Variants in EPHB1 observed in about 807,000 individuals in gnomAD.
EPHB1 encodes the protein ephrin type-B receptor 1.
EPHB1 carries 30 observed loss-of-function variants against 94.4 expected under a neutral mutation model. The ratio of observed to expected loss-of-function variants is 0.32; its 90% CI spans 0.24 to 0.43. The LOEUF (loss-of-function observed/expected upper bound fraction) is 0.43, where lower values mean the gene tolerates loss of function less well. EPHB1 is among the 20% of genes least tolerant of loss of function. The pLI is 1.00. For synonymous variants in EPHB1, 522 were observed against 489.1 expected (o/e 1.07, Z -0.89); for missense variants, 1,055 against 1,308.3 (o/e 0.81, Z 2.99).
chr3:134,854,907 A>G (rs938178471), intron 1 of EPHB1, among the ~76,000 whole-genome samples: 4 of 104,424 alleles, frequency 3.8e-5, no homozygotes, highest in African/African-American at 1.0e-4. Flanking sequence ...AATATAGAAA[A>G]GTATAAAGAA....
intron 2 of EPHB1, among the ~76,000 whole-genome samples, chr3:134,944,625 T>A (rs1318306651): frequency 6.6e-6 from 1 of 152,194 alleles, no homozygotes; most frequent in Non-Finnish European, 1.5e-5. Context: ...CTTCCAGAGG[T>A]CTTACTCAGC....
In EPHB1 at chr3:135,132,909, T is replaced by A. The variant is rs1415897758; in HGVS notation, c.1157T>A (p.Leu386Gln). Residue 386 changes from leucine to glutamine, a missense_variant, in exon 5 of 16, where the codon CTG becomes CAG. Physicochemically the swap from Leu to Gln is moderately radical, Grantham distance 113. Transcript: ENST00000398015. ...NVEFVPRQLG[L>Q]TECRVSISSL... Reference sequence around the variant, plus strand: ...GAGTTTGTGCCCAGGCAGCTGGGCCTGACGGAGTGCCGCGTCTCCATCAGC... The same window carrying A: ...GAGTTTGTGCCCAGGCAGCTGGGCCAGACGGAGTGCCGCGTCTCCATCAGC... 5 of 1,614,058 alleles carry A rather than the reference T, an allele frequency of 3.1e-6. No individual in the cohort carries two copies. The highest frequency in any genetic ancestry group is 3.4e-6 in the Non-Finnish European group (4 of 1,179,896).
chr3:135,183,016 T>C (rs1384419746), intron 10 of EPHB1, among the ~76,000 whole-genome samples: 2 of 74,520 alleles, frequency 2.7e-5, no homozygotes, highest in Non-Finnish European at 6.9e-5. Flanking sequence ...TTTTCTTTTC[T>C]TTTCTTTTCT....
At chr3:135,128,989 G>A (rs1559843113) in intron 4 of EPHB1, among the ~76,000 whole-genome samples, 1 of 152,094 alleles carries the variant, frequency 6.6e-6, no homozygotes, top group Non-Finnish European at 1.5e-5. Context: ...ATTCTCCAGG[G>A]AAGGCCCTTA....
Position 135,133,049 on chromosome 3 carries a change from G to A in EPHB1, c.1297G>A (p.Ala433Thr), listed in dbSNP as rs769821589. 20 of 1,580,134 alleles carry A rather than the reference G, an allele frequency of 1.3e-5. No homozygotes were observed. Among genetic ancestry groups the A allele is most frequent in the African/African-American group, 1.1e-4 (8 of 74,382 alleles). Reference protein sequence around the residue: ...VSVNITTNQAAPSTVPIMHQV... With the variant: ...VSVNITTNQATPSTVPIMHQV... ...TGTCAACATCACCACAAACCAAGCC[G>A]GTAAGTCTGGAGGCTTCTGTGCTCC... Residue 433 changes from alanine (A) to threonine (T), a missense_variant and splice_region_variant, in exon 5 of 16, where the codon GCC (alanine) becomes ACC (threonine). Ala to Thr is a moderately conservative substitution (Grantham distance 58). Transcript: ENST00000398015.
intron 3 of EPHB1, among the ~76,000 whole-genome samples, chr3:134,973,711 C>T (rs957077262): frequency 3.3e-5 from 5 of 152,026 alleles, no homozygotes; most frequent in African/African-American, 1.2e-4. Context: ...GGATTACAGG[C>T]GTGAGCCACT....
intron 3 of EPHB1, among the ~76,000 whole-genome samples, chr3:135,057,503 C>G (rs1937381697): frequency 6.6e-6 from 1 of 152,180 alleles, no homozygotes; most frequent in South Asian, 2.1e-4. Context: ...ATCTGTGATG[C>G]TCACTGATGT....
At position 135,201,659 on chromosome 3, in the gene EPHB1, C is replaced by T. The variant is rs756604409; in HGVS notation, c.2316C>T (p.Asp772=). 1 of 1,613,924 alleles carries T rather than the reference C, an allele frequency of 6.2e-7. No homozygotes were observed. Among genetic ancestry groups the T allele is most frequent in the Non-Finnish European group, 8.5e-7 (1 of 1,179,970 alleles). ...GCCTCTCCCGCTACCTCCAGGATGA[C>T]ACCTCAGATCCCACCTACACCAGCT... ...DFGLSRYLQD[D]TSDPTYTSSL... The change falls in exon 12 of 16, where the codon GAC becomes GAT. Residue 772 remains aspartate (D), a synonymous_variant. Coordinates refer to ENST00000398015, the MANE Select transcript of EPHB1 (RefSeq NM_004441.5).
Position 135,049,610 on chromosome 3 carries a change from C to G in EPHB1, c.806-56838C>G, listed in dbSNP as rs567361559. 8.5e-5 allele frequency among the ~76,000 whole-genome samples: 13 copies of G among 152,330 alleles called. 1 individual carries two copies. In the South Asian group the frequency reaches 1.9e-3, roughly 22 times the overall value. On this transcript the variant is annotated intron_variant, in intron 3 of 15. Transcript: ENST00000398015. ...GGCCTTGGCCTAGAAACTGGCATAC[C>G]ATAGCTTCCATTATATTAGGTTGGT...
At chr3:135,249,526 C>G in intron 15 of EPHB1, 35 bp downstream of exon 15, 1 of 1,595,990 alleles carries the variant, frequency 6.3e-7, no homozygotes, top group Non-Finnish European at 8.5e-7. Flanking sequence ...CAGACCACAC[C>G]TAGGGGTCAG....
intron 13 of EPHB1, among the ~76,000 whole-genome samples, chr3:135,247,063 T>C (rs150101111): frequency 3.9e-5 from 6 of 152,302 alleles, no homozygotes; most frequent in South Asian, 4.1e-4. Context: ...CACCCTGAAC[T>C]CCAAATTATT....
chr3:135,216,961 G>A (rs944495134), intron 12 of EPHB1, among the ~76,000 whole-genome samples: 20 of 152,140 alleles, frequency 1.3e-4, no homozygotes, highest in African/African-American at 4.6e-4. Flanking sequence ...GCAGTTCGGT[G>A]TGCCTGATGG....
At chr3:134,936,382 C>T (rs547162778) in intron 2 of EPHB1, among the ~76,000 whole-genome samples, 5 of 152,284 alleles carry the variant, frequency 3.3e-5, no homozygotes, top group African/African-American at 9.6e-5. Flanking sequence ...CAAGAGAATA[C>T]AGGTGGTCCC....
At chr3:135,225,495 G>A (rs1040932500) in intron 12 of EPHB1, among the ~76,000 whole-genome samples, 3 of 152,194 alleles carry the variant, frequency 2.0e-5, no homozygotes, top group Admixed American at 6.5e-5. Flanking sequence ...TAGAGAAAAT[G>A]GAAATTGTTT....
chr3:135,088,559 G>A (rs759733143), intron 3 of EPHB1, among the ~76,000 whole-genome samples: 2 of 152,142 alleles, frequency 1.3e-5, no homozygotes, highest in African/African-American at 2.4e-5. Flanking sequence ...ATTCTACTTC[G>A]TTGCTTTGAC....
At chr3:134,932,869 A>G (rs1382456460) in intron 2 of EPHB1, among the ~76,000 whole-genome samples, 1 of 152,212 alleles carries the variant, frequency 6.6e-6, no homozygotes, top group Non-Finnish European at 1.5e-5. Context: ...ATTTCAGGAC[A>G]TGCCAGAGGC....
chr3:135,048,658 C>A (rs567783756), intron 3 of EPHB1, among the ~76,000 whole-genome samples: 1 of 152,312 alleles, frequency 6.6e-6, no homozygotes, highest in African/African-American at 2.4e-5. Context: ...CAAGTCATCA[C>A]CACACCTGCC....
intron 3 of EPHB1, among the ~76,000 whole-genome samples, chr3:135,028,028 T>C (rs1175570430): frequency 1.4e-4 from 21 of 146,334 alleles, no homozygotes; most frequent in Non-Finnish European, 2.4e-4. Context: ...GTTTGTAGTA[T>C]TCTCTGATGG....
At chr3:134,802,814 G>A (rs182770274) in intron 1 of EPHB1, among the ~76,000 whole-genome samples, 10 of 152,330 alleles carry the variant, frequency 6.6e-5, no homozygotes, top group Middle Eastern at 3.4e-3. Context: ...GGCAGGAAAA[G>A]CATCTTATTC....
Sources: gnomAD v4.1 joint callset for allele counts (sites outside exome capture counted in the v4.1 genomes callset) on GRCh38, gnomAD v4.1.1 for gene constraint, MANE v1.5 for transcripts, NCBI Gene and HGNC (gene_info 2026-07-23, HGNC 2026-07-21) for gene names.